Variants in STAG2 observed in about 807,000 individuals in gnomAD.
STAG2 encodes cohesin subunit SA-2.
In STAG2, 14 loss-of-function variants were observed where a neutral mutation model predicts 108.1. That is an observed-to-expected ratio of 0.13 (90% CI 0.09 to 0.20). The LOEUF is 0.20. STAG2 is among the 10% of genes least tolerant of loss of function. STAG2 has a pLI of 1.00. For synonymous variants in STAG2, 307 were observed against 302.7 expected (o/e 1.01, Z -0.15); for missense variants, 440 against 940.9 (o/e 0.47, Z 6.96).
At chrX:123,967,211 A>G (rs1351484199) in intron 1 of STAG2, among the ~76,000 whole-genome samples, 1 of 104,167 alleles carries the variant, frequency 9.6e-6, no homozygotes. Flanking sequence ...ATTGTTTTCC[A>G]TTCCTTCTGC....
At chrX:123,981,057 A>G (rs988869277) in intron 1 of STAG2, among the ~76,000 whole-genome samples, 32 of 111,468 alleles carry the variant, frequency 2.9e-4, no homozygotes, top group Admixed American at 2.8e-3. Flanking sequence ...TTGAGAGAAT[A>G]TTTTACAGGG....
intron 1 of STAG2, among the ~76,000 whole-genome samples, chrX:123,992,457 CT>C (rs1421739760): frequency 9.1e-6 from 1 of 109,681 alleles, no homozygotes; most frequent in Non-Finnish European, 1.9e-5. Context: ...AGCCTTTTTA[CT>C]TTGTGCATTT....
intron 1 of STAG2, among the ~76,000 whole-genome samples, chrX:124,002,786 G>A (rs909582339): frequency 9.3e-6 from 1 of 107,472 alleles, no homozygotes; most frequent in Non-Finnish European, 1.9e-5. Flanking sequence ...CACCACGCTT[G>A]GCAATTTTTC....
intron 1 of STAG2, among the ~76,000 whole-genome samples, chrX:124,013,934 G>A (rs1301287375): frequency 9.0e-6 from 1 of 111,269 alleles, no homozygotes; most frequent in Non-Finnish European, 1.9e-5. Flanking sequence ...AACTAAGGGG[G>A]TTGCTAAGTT....
rs771016151 is a variant in STAG2, at chrX:124,051,211, C to A, written c.1108C>A (p.Arg370=). ...TTCCAAACTGGAACTTTTTACCAGT[C>A]GGTTCAAGGTTAGTATTACTTAAGA... ...LNSKLELFTS[R]FKDRIVSMTL... Residue 370 remains arginine (R), a synonymous_variant, in exon 12 of 35, where the codon CGG becomes AGG. Transcript: ENST00000371145. 16 of 1,170,612 alleles carry A rather than the reference C, an allele frequency of 1.4e-5. No homozygotes were observed. Among genetic ancestry groups the A allele is most frequent in the African/African-American group, 1.8e-5 (1 of 54,217 alleles).
chrX:124,010,088 A>G (rs1177694296), intron 1 of STAG2, among the ~76,000 whole-genome samples: 1 of 111,819 alleles, frequency 8.9e-6, no homozygotes, highest in Non-Finnish European at 1.9e-5. Flanking sequence ...AGTTTATACC[A>G]TATGAGAGAA....
chrX:124,068,498 C>T (rs1034023173), intron 23 of STAG2, 66 bp from the exon 24 acceptor site: 4 of 740,711 alleles, frequency 5.4e-6, no homozygotes, highest in African/African-American at 4.4e-5. Context: ...TAATTGAAAA[C>T]ATTTTAAAGA....
intron 1 of STAG2, among the ~76,000 whole-genome samples, chrX:123,992,723 A>G (rs1046846636): frequency 2.7e-4 from 30 of 110,821 alleles, no homozygotes; most frequent in Admixed American, 9.7e-4. Context: ...ATTTTTTTGT[A>G]GAGACGGGGT....
At chrX:124,079,682 CTT>C (rs1262050320) in intron 27 of STAG2, among the ~76,000 whole-genome samples, 3 of 112,039 alleles carry the variant, frequency 2.7e-5, no homozygotes, top group Non-Finnish European at 5.6e-5. Context: ...TAAAAAATAA[CTT>C]TTGCTATAAA....
At chrX:124,047,589 G>A (rs2148197783) in intron 9 of STAG2, 84 bp downstream of exon 9, 1 of 805,422 alleles carries the variant, frequency 1.2e-6, no homozygotes, top group Non-Finnish European at 1.8e-6. Flanking sequence ...TAGTGGCTCA[G>A]ATAATTGTTT....
chrX:123,964,063 T>C (rs1367248460), intron 1 of STAG2, among the ~76,000 whole-genome samples: 1 of 111,744 alleles, frequency 8.9e-6, no homozygotes, highest in African/African-American at 3.3e-5. Context: ...GTTACTATTA[T>C]TCTCTCTACT....
chrX:123,969,127 C>T (rs2054234652), intron 1 of STAG2, among the ~76,000 whole-genome samples: 1 of 111,595 alleles, frequency 9.0e-6, no homozygotes, highest in Non-Finnish European at 1.9e-5. Context: ...TAAGTTGCTG[C>T]CTGAGGTCTA....
At chrX:124,078,954 G>GT (rs1477225350) in intron 27 of STAG2, among the ~76,000 whole-genome samples, 1 of 108,075 alleles carries the variant, frequency 9.3e-6, no homozygotes, top group African/African-American at 3.4e-5. Flanking sequence ...GGGCGACAGA[G>GT]TGAGACTCTG....
At chrX:124,047,896 G>GT (rs965862728) in intron 9 of STAG2, among the ~76,000 whole-genome samples, 1 of 112,199 alleles carries the variant, frequency 8.9e-6, no homozygotes, top group African/African-American at 3.2e-5. Context: ...CTAAATCAGT[G>GT]TTTTTTATAC....
intron 1 of STAG2, among the ~76,000 whole-genome samples, chrX:124,020,876 T>TG (rs1383398531): frequency 3.6e-5 from 4 of 111,849 alleles, no homozygotes; most frequent in African/African-American, 1.3e-4. Context: ...TTCGCCATGT[T>TG]GGCCAGGCTG....
In STAG2 at chrX:123,996,543, CCTT is replaced by C. The variant is rs753077699; in HGVS notation, c.-162-24820_-162-24818del. Among the ~76,000 whole-genome samples, 244 of 111,426 alleles carry C rather than the reference CCTT, an allele frequency of 2.2e-3. 1 individual carries two copies. The highest frequency in any genetic ancestry group is 7.4e-3 in the African/African-American group (226 of 30,697). On this transcript the variant is annotated intron_variant, in intron 1 of 34. Coordinates refer to ENST00000371145, the MANE Select transcript of STAG2 (RefSeq NM_001042750.2). ...CATCCCTCCAATATTCCTTGGTAGT[CCTT>C]CTTTCCTCCCCAACCATAGCCCCTG... is the stretch of plus-strand genomic sequence containing the variant.
chrX:124,059,310 C>CT (rs1254126871), intron 15 of STAG2, among the ~76,000 whole-genome samples: 1 of 112,421 alleles, frequency 8.9e-6, no homozygotes, highest in African/African-American at 3.2e-5. Context: ...GAGCAAGACT[C>CT]TGTCTCAAGT....
At chrX:124,010,649 C>T (rs986546268) in intron 1 of STAG2, among the ~76,000 whole-genome samples, 2 of 111,146 alleles carry the variant, frequency 1.8e-5, no homozygotes, top group East Asian at 2.8e-4. Flanking sequence ...TTAAGCAAAG[C>T]GGTGTACAGC....
At chrX:123,974,260 C>T (rs1290612891) in intron 1 of STAG2, among the ~76,000 whole-genome samples, 2 of 102,390 alleles carry the variant, frequency 2.0e-5, no homozygotes, top group African/African-American at 7.1e-5. Flanking sequence ...TGAGACGGAG[C>T]CTTACTCTGT....
Sources: allele counts gnomAD v4.1 joint callset (sites outside exome capture counted in the v4.1 genomes callset), GRCh38; gene constraint gnomAD v4.1.1; transcripts MANE v1.5; gene names NCBI Gene and HGNC (gene_info 2026-07-23, HGNC 2026-07-21).